NOTCH2NLA: variants seen among roughly 807,000 people sequenced by gnomAD.
NOTCH2NLA encodes the protein notch homolog 2 N-terminal-like protein A.
At chr1:146,160,042 C>T (rs1553803997) in intron 3 of NOTCH2NLA, among the ~76,000 whole-genome samples, 1 of 39,738 alleles carries the variant, frequency 2.5e-5, no homozygotes, top group African/African-American at 7.9e-5. Context: ...TCCTTCTTAA[C>T]AACAAAGGAA....
At chr1:146,208,044 A>C in intron 1 of NOTCH2NLA, among the ~76,000 whole-genome samples, 2 of 20,608 alleles carry the variant, frequency 9.7e-5, no homozygotes, top group African/African-American at 2.4e-4. Flanking sequence ...TTAGTCTCAA[A>C]CTCCTGGTGT....
At chr1:146,187,172 T>G in intron 2 of NOTCH2NLA, among the ~76,000 whole-genome samples, 1 of 129,750 alleles carries the variant, frequency 7.7e-6, no homozygotes, top group Middle Eastern at 3.6e-3. Flanking sequence ...AATGATGGCT[T>G]CCAGCTTCAT....
intron 2 of NOTCH2NLA, among the ~76,000 whole-genome samples, chr1:146,186,356 CTT>C (rs4067774): frequency 9.1e-5 from 9 of 98,996 alleles, no homozygotes; most frequent in East Asian, 2.7e-4. Flanking sequence ...GCTCCATTTT[CTT>C]TTTTTTTTTT....
chr1:146,185,129 C>T (rs1243517960), intron 2 of NOTCH2NLA, among the ~76,000 whole-genome samples: 1 of 139,788 alleles, frequency 7.2e-6, no homozygotes, highest in Non-Finnish European at 1.7e-5. Flanking sequence ...ATGTTAAGAA[C>T]CAGCAGACAA....
Position 146,162,267 on chromosome 1 carries a change from G to A in NOTCH2NLA, c.298+2484C>T, listed in dbSNP as rs1234262399. 1.0e-4 allele frequency among the ~76,000 whole-genome samples: 15 copies of A among 146,176 alleles called. 1 individual carries two copies. The highest frequency in any genetic ancestry group is 2.0e-4 in the Non-Finnish European group (13 of 66,572). On this transcript the variant is annotated intron_variant, in intron 3 of 4. Transcript: ENST00000362074. ...TTCAGTTGGGGACTAGTGTGTTTCCGGATGTATGAAGAATAGTTGTACTAC... is the reference window on the plus strand; with the variant it reads ...TTCAGTTGGGGACTAGTGTGTTTCCAGATGTATGAAGAATAGTTGTACTAC...
chr1:146,150,004 A>G (rs2596056), intron 4 of NOTCH2NLA, among the ~76,000 whole-genome samples: 2 of 134,810 alleles, frequency 1.5e-5, no homozygotes, highest in African/African-American at 5.6e-5. Flanking sequence ...AATGTGGTAA[A>G]TCCATATGAT....
intron 2 of NOTCH2NLA, among the ~76,000 whole-genome samples, chr1:146,186,031 G>A (rs1303967136): frequency 7.4e-6 from 1 of 135,722 alleles, no homozygotes; most frequent in Non-Finnish European, 1.7e-5. Flanking sequence ...TGTGGAGGCT[G>A]GCAAAGCACT....
intron 2 of NOTCH2NLA, among the ~76,000 whole-genome samples, chr1:146,182,508 T>C (rs868933863): frequency 2.5e-4 from 32 of 129,200 alleles, no homozygotes; most frequent in Non-Finnish European, 2.4e-4. Flanking sequence ...ATCCAATTGT[T>C]AATAGGAATC....
chr1:146,180,358 T>TA (rs140566429), intron 2 of NOTCH2NLA, among the ~76,000 whole-genome samples: 19,251 of 140,084 alleles, frequency 0.14, 1,501 homozygotes, highest in African/African-American at 0.29. Flanking sequence ...ATGTCTTTCT[T>TA]AGTCTTTATT....
chr1:146,200,617 T>A (rs1293299927), intron 1 of NOTCH2NLA, among the ~76,000 whole-genome samples: 2 of 117,334 alleles, frequency 1.7e-5, no homozygotes, highest in East Asian at 4.0e-4. Flanking sequence ...AATCTCAATG[T>A]CCAAATCAGT....
chr1:146,172,764 G>A (rs1662053043), intron 2 of NOTCH2NLA, among the ~76,000 whole-genome samples: 1 of 151,138 alleles, frequency 6.6e-6, no homozygotes, highest in South Asian at 2.1e-4. Flanking sequence ...TTAAGCCACT[G>A]TTATGTCTTT....
intron 2 of NOTCH2NLA, among the ~76,000 whole-genome samples, chr1:146,180,608 GT>G (rs2102313961): frequency 7.0e-6 from 1 of 143,338 alleles, no homozygotes; most frequent in Non-Finnish European, 1.6e-5. Context: ...TTTACCTTAC[GT>G]TGGGTTGTAA....
chr1:146,219,795 TA>T lies in NOTCH2NLA; in HGVS notation c.-45+8913del, dbSNP rs782014725. On this transcript the variant is annotated intron_variant, in intron 1 of 4. Coordinates refer to ENST00000362074, the Ensembl canonical transcript of NOTCH2NLA. ...TATATATGTAGATCTGTTCATAAAC[TA>T]AAAAAAAAAAATATATATATATATA... is the stretch of plus-strand genomic sequence containing the variant. 8.3e-3 allele frequency among the ~76,000 whole-genome samples: 650 copies of T among 78,536 alleles called. 202 individuals are homozygous for T. Among genetic ancestry groups the T allele is most frequent in the African/African-American group, 0.048 (594 of 12,476 alleles). 51.5% of individuals were successfully genotyped at this position (78,536 alleles called of 152,430 possible). A position where few individuals can be genotyped will look rare whatever the true frequency, so the allele number is the denominator to read the frequency against.
chr1:146,179,639 C>CTAG (rs1553808854), intron 2 of NOTCH2NLA, among the ~76,000 whole-genome samples: 1 of 136,932 alleles, frequency 7.3e-6, no homozygotes, highest in Admixed American at 7.7e-5. Context: ...ATAACAGTCC[C>CTAG]TTCTAGTCTC....
At chr1:146,198,810 G>C (rs868987549) in intron 1 of NOTCH2NLA, among the ~76,000 whole-genome samples, 2 of 40,644 alleles carry the variant, frequency 4.9e-5, no homozygotes, top group Non-Finnish European at 1.1e-4. Flanking sequence ...TTTTTTTTTT[G>C]AGATGGAGTC....
At chr1:146,180,825 T>A (rs1231714002) in intron 2 of NOTCH2NLA, among the ~76,000 whole-genome samples, 1 of 122,750 alleles carries the variant, frequency 8.1e-6, no homozygotes, top group Non-Finnish European at 1.9e-5. Context: ...GCTTGGAAAT[T>A]TTTAGATGAT....
chr1:146,224,012 A>G (rs1284156746), intron 1 of NOTCH2NLA, among the ~76,000 whole-genome samples: 2 of 138,360 alleles, frequency 1.4e-5, no homozygotes, highest in African/African-American at 5.3e-5. Flanking sequence ...ATCATGTGGC[A>G]GAGACAACTC....
rs782014725 is a variant in NOTCH2NLA, at chr1:146,219,795, T to TAA, written c.-45+8912_-45+8913dup. ...TATATATGTAGATCTGTTCATAAAC[T>TAA]AAAAAAAAAAAATATATATATATAT... On this transcript the variant is annotated intron_variant, in intron 1 of 4. Transcript: ENST00000362074. 4.3e-4 allele frequency among the ~76,000 whole-genome samples: 34 copies of TAA among 78,532 alleles called. 5 individuals are homozygous for TAA. The highest frequency in any genetic ancestry group is 1.1e-3 in the East Asian group (4 of 3,628). 51.5% of individuals were successfully genotyped at this position (78,532 alleles called of 152,430 possible). A position where few individuals can be genotyped will look rare whatever the true frequency, so the allele number is the denominator to read the frequency against.
chr1:146,185,833 C>T (rs1408144296), intron 2 of NOTCH2NLA, among the ~76,000 whole-genome samples: 9 of 135,634 alleles, frequency 6.6e-5, no homozygotes, highest in African/African-American at 1.5e-4. Flanking sequence ...ATCACATGCC[C>T]TGCATGCCTG....
Sources: allele counts gnomAD v4.1 joint callset (sites outside exome capture counted in the v4.1 genomes callset), GRCh38; gene constraint gnomAD v4.1.1; transcripts MANE v1.5; gene names NCBI Gene and HGNC (gene_info 2026-07-23, HGNC 2026-07-21).